APOLD1: variants seen among roughly 807,000 people sequenced by gnomAD.
APOLD1 encodes apolipoprotein L domain-containing protein 1.
APOLD1 carries 22 observed loss-of-function variants against 15.3 expected under a neutral mutation model. The ratio of observed to expected loss-of-function variants is 1.44; its 90% CI spans 1.03 to 2.05. APOLD1 has a LOEUF of 2.05. Ranked by LOEUF, APOLD1 falls within the 30% of genes most tolerant of loss-of-function variation. The probability of loss-of-function intolerance (pLI) is 0.00; values close to 1 mark genes in which losing one functional copy is unlikely to be tolerated. For missense variants in APOLD1, 394 were observed against 353.5 expected (o/e 1.11, Z -0.92); for synonymous variants, 190 against 167.4 (o/e 1.13, Z -1.04).
chr12:12,745,150 G>A (rs1045032063), intron 1 of APOLD1, among the ~76,000 whole-genome samples: 2 of 152,194 alleles, frequency 1.3e-5, no homozygotes, highest in Admixed American at 6.5e-5. Flanking sequence ...ATTAAGCAGG[G>A]TGATTGGCTG....
rs138482638 is a variant in APOLD1 at position 12,758,590 on chromosome 12, A to G, written c.97-28319A>G. On this transcript the variant is annotated intron_variant, in intron 1 of 1. Coordinates refer to the APOLD1 transcript ENST00000326765. ...AAACAAAAACTCGGTAAACAAAGGG[A>G]CAGAGCCAGCATTTTTCCTGCCTTT... 2.8e-3 allele frequency among the ~76,000 whole-genome samples: 420 copies of G among 152,298 alleles called. 4 individuals carry two copies. Among genetic ancestry groups the G allele is most frequent in the African/African-American group, 9.9e-3 (411 of 41,560 alleles).
At chr12:12,734,364 T>C (rs1020136974) in intron 1 of APOLD1, among the ~76,000 whole-genome samples, 1 of 152,238 alleles carries the variant, frequency 6.6e-6, no homozygotes, top group African/African-American at 2.4e-5. Context: ...AAAATAGTTT[T>C]ACATTTCAAG....
chr12:12,787,920 G>A lies in APOLD1; in HGVS notation c.*268G>A. 2.3e-6 allele frequency: 1 copy of A among 437,142 alleles called. No homozygotes were observed. The allele number at this position is 437,142 out of a possible 1,614,324, so 27.1% of individuals were successfully genotyped here. A position where few individuals can be genotyped will look rare whatever the true frequency, so the allele number is the denominator to read the frequency against. On this transcript the variant is annotated 3_prime_UTR_variant, in exon 2 of 2. Coordinates refer to ENST00000356591, the MANE Select transcript of APOLD1 (RefSeq NM_030817.3). The surrounding 1 kb of genome is among the most constrained non-coding windows in gnomAD (Gnocchi z 4.9). ...CTTTTTCCTTTATCAAAAACTTTCT[G>A]TCTAAACACAGCTGGGCAGGCACTC...
chr12:12,742,841 T>A (rs1286996933), intron 1 of APOLD1, among the ~76,000 whole-genome samples: 1 of 151,970 alleles, frequency 6.6e-6, no homozygotes, highest in Non-Finnish European at 1.5e-5. Context: ...CTCGGCTTAC[T>A]GCAGCCTTGA....
At chr12:12,766,333 T>A (rs1946942453) in intron 1 of APOLD1, among the ~76,000 whole-genome samples, 1 of 152,190 alleles carries the variant, frequency 6.6e-6, no homozygotes, top group African/African-American at 2.4e-5. Context: ...TGTAATATAG[T>A]ACCAAGATAC....
At chr12:12,749,546 C>A (rs1448704051) in intron 1 of APOLD1, among the ~76,000 whole-genome samples, 1 of 152,018 alleles carries the variant, frequency 6.6e-6, no homozygotes, top group Non-Finnish European at 1.5e-5. Context: ...GTAACTTCAC[C>A]TTAACCTCTG....
chr12:12,744,433 AC>A (rs1189019755), intron 1 of APOLD1, among the ~76,000 whole-genome samples: 2 of 151,060 alleles, frequency 1.3e-5, no homozygotes, highest in Non-Finnish European at 1.5e-5. Context: ...ACATGGTGAA[AC>A]CCCATCTCTA....
At chr12:12,736,338 T>C (rs1462517313) in intron 1 of APOLD1, among the ~76,000 whole-genome samples, 1 of 133,760 alleles carries the variant, frequency 7.5e-6, no homozygotes. Flanking sequence ...GCAATAAGAG[T>C]GAGAGTCTGT....
chr12:12,726,010 G>C, exon 1 of APOLD1: 2 of 1,518,802 alleles, frequency 1.3e-6, no homozygotes, highest in East Asian at 2.5e-5. Flanking sequence ...GATGTTCCGC[G>C]CGCCGTGTCA....
At position 12,750,418 on chromosome 12, in the gene APOLD1, G is replaced by A. The variant is rs897203523; in HGVS notation, c.96+24322G>A. 2.8e-5 allele frequency among the ~76,000 whole-genome samples: 4 copies of A among 145,006 alleles called. No individual in the cohort carries two copies. In the South Asian group the frequency reaches 8.7e-4, roughly 32 times the overall value. ...AAGGAAATTGGGGAAGATACATTTT[G>A]GACTTCTTTGAATTTTAACCCACAC... is the stretch of plus-strand genomic sequence containing the variant. On this transcript the variant is annotated intron_variant, in intron 1 of 1. Transcript: ENST00000326765.
Position 12,743,989 on chromosome 12 carries a change from G to A in APOLD1, c.96+17893G>A, listed in dbSNP as rs1946745688. Among the ~76,000 whole-genome samples, 3 of 152,200 alleles carry A rather than the reference G, an allele frequency of 2.0e-5. No homozygotes were observed. The South Asian group carries it at 6.2e-4, about 32-fold the overall frequency. On this transcript the variant is annotated intron_variant, in intron 1 of 1. Transcript: ENST00000326765. ...TTGCTTTTAGCCCAGTGAGACCCAT[G>A]TTAGACTTCTAGCACACAGTACTGC... is the stretch of plus-strand genomic sequence containing the variant.
In APOLD1 at chr12:12,787,212, A is replaced by G. The variant is rs146833333; in HGVS notation, c.307A>G (p.Ile103Val). The G allele has an allele frequency of 7.5e-4, 1,165 of 1,556,894 alleles. No individual in the cohort carries two copies. Among genetic ancestry groups the G allele is most frequent in the Admixed American group, 1.7e-3 (92 of 54,770 alleles). Residue 103 changes from isoleucine (I) to valine (V), a missense_variant, in exon 2 of 2, where the codon ATC becomes GTC. By Grantham distance (29) the Ile-to-Val change is conservative (BLOSUM62 3). Transcript: ENST00000356591. This position sits in a 1 kb window ranked among gnomAD's most constrained non-coding sequence, Gnocchi z 4.9. ...GVATAGGAVT[I>V]TSDLSLIFCN... is the part of the protein sequence containing the mutation. ...GGCCACAGCCGGAGGGGCCGTCACC[A>G]TCACGTCCGATCTCTCGCTGATCTT...
At chr12:12,753,713 A>G (rs1946832868) in intron 1 of APOLD1, among the ~76,000 whole-genome samples, 1 of 152,092 alleles carries the variant, frequency 6.6e-6, no homozygotes, top group Non-Finnish European at 1.5e-5. Flanking sequence ...TAGGGAAGAG[A>G]GGCAGTGCAT....
At chr12:12,727,379 G>C (rs1209722361) in intron 1 of APOLD1, among the ~76,000 whole-genome samples, 1 of 151,788 alleles carries the variant, frequency 6.6e-6, no homozygotes, top group African/African-American at 2.4e-5. Context: ...TACTTTTTTA[G>C]TGGAGTTACT....
upstream of APOLD1, among the ~76,000 whole-genome samples, chr12:12,781,528 T>TC (rs1369166537): frequency 3.5e-5 from 4 of 114,444 alleles, no homozygotes; most frequent in East Asian, 1.4e-3. Context: ...CACTTTATCT[T>TC]TTTTTTTTTT....
At chr12:12,751,414 A>C (rs925068722) in intron 1 of APOLD1, among the ~76,000 whole-genome samples, 6 of 152,018 alleles carry the variant, frequency 3.9e-5, no homozygotes, top group African/African-American at 1.4e-4. Context: ...GCAGTGGTGT[A>C]AATGTGGCTC....
At chr12:12,777,572 T>C (rs962625305) in intron 1 of APOLD1, among the ~76,000 whole-genome samples, 2 of 152,214 alleles carry the variant, frequency 1.3e-5, no homozygotes, top group South Asian at 4.1e-4. Flanking sequence ...GGCAGGATTT[T>C]AGAATATTTG....
intron 1 of APOLD1, among the ~76,000 whole-genome samples, chr12:12,767,531 C>A (rs77647421): frequency 6.6e-6 from 1 of 151,734 alleles, no homozygotes; most frequent in African/African-American, 2.4e-5. Flanking sequence ...TGTGGGGGCC[C>A]GCGCCTATAA....
intron 1 of APOLD1, among the ~76,000 whole-genome samples, chr12:12,743,365 T>G (rs1000055864): frequency 1.3e-5 from 2 of 151,478 alleles, no homozygotes; most frequent in Non-Finnish European, 2.9e-5. Flanking sequence ...AGACCCCATC[T>G]TTAAAAAAAA....
Sources: allele counts gnomAD v4.1 joint callset (sites outside exome capture counted in the v4.1 genomes callset), GRCh38; gene constraint gnomAD v4.1.1; non-coding constraint Gnocchi (gnomAD v3.1); transcripts MANE v1.5; gene names NCBI Gene and HGNC (gene_info 2026-07-23, HGNC 2026-07-21).